Variants in RGS22 observed in about 807,000 individuals in gnomAD.
RGS22 encodes regulator of G-protein signaling 22.
RGS22 carries 148 observed loss-of-function variants against 172.9 expected under a neutral mutation model. The ratio of observed to expected loss-of-function variants is 0.86; its 90% CI spans 0.75 to 0.98. The LOEUF is 0.98. Ranked by LOEUF, RGS22 falls within the 50% of genes least tolerant of loss-of-function variation. The probability of loss-of-function intolerance (pLI) is 0.00; values close to 1 mark genes in which losing one functional copy is unlikely to be tolerated. For missense variants in RGS22, 1,347 were observed against 1,440.8 expected (o/e 0.93, Z 1.05); for synonymous variants, 458 against 480.2 (o/e 0.95, Z 0.60).
chr8:100,051,929 A>ACATATT (rs1821593689), intron 10 of RGS22, among the ~76,000 whole-genome samples: 1 of 38,776 alleles, frequency 2.6e-5, no homozygotes, highest in African/African-American at 1.4e-4. Context: ...ATAAATGTTT[A>ACATATT]TATATATTTA....
rs2131901565 is a variant in RGS22 at position 100,080,532 on chromosome 8, C to T, written c.118-177G>A. On this transcript the variant is annotated intron_variant, in intron 3 of 27. Coordinates refer to ENST00000360863, the MANE Select transcript of RGS22 (RefSeq NM_015668.5). ...CCTTGGGTAGAGGTCAGGGAACCCA[C>T]TAAACTCTTCCTTGCCAATGCACTT... is the stretch of plus-strand genomic sequence containing the variant. 5.2e-6 allele frequency: 3 copies of T among 581,522 alleles called. 1 individual carries two copies. The highest frequency in any genetic ancestry group is 6.2e-5 in the Admixed American group (2 of 32,140). The allele number at this position is 581,522 out of a possible 1,614,324, so 36.0% of individuals were successfully genotyped here.
chr8:100,094,338 T>C (rs532384648), intron 2 of RGS22, among the ~76,000 whole-genome samples: 1 of 108,990 alleles, frequency 9.2e-6, no homozygotes, highest in South Asian at 2.7e-4. Flanking sequence ...GTTCACAATA[T>C]GACACAATGC....
intron 21 of RGS22, among the ~76,000 whole-genome samples, chr8:99,986,435 T>C (rs1459596136): frequency 3.3e-5 from 5 of 152,232 alleles, no homozygotes; most frequent in Non-Finnish European, 7.3e-5. Context: ...ATTATGCTCC[T>C]AAATTGTTAA....
chr8:99,989,709 G>A (rs952251222), intron 20 of RGS22, among the ~76,000 whole-genome samples: 2 of 152,114 alleles, frequency 1.3e-5, no homozygotes, highest in African/African-American at 4.8e-5. Flanking sequence ...GCCAGGTGTG[G>A]TGGTGCGTGC....
chr8:100,105,348 A>C (rs772305164), intron 2 of RGS22, 26 bp downstream of exon 2: 2 of 1,590,196 alleles, frequency 1.3e-6, no homozygotes, highest in Non-Finnish European at 1.7e-6. Context: ...CCAAAGAAAA[A>C]AATAGCCCCT....
At chr8:100,088,086 T>C (rs976170383) in intron 3 of RGS22, among the ~76,000 whole-genome samples, 1 of 152,084 alleles carries the variant, frequency 6.6e-6, no homozygotes, top group Admixed American at 6.6e-5. Flanking sequence ...CCCCAAAATA[T>C]ACTCTCTCTT....
rs149580018 is a variant in RGS22 at position 100,102,322 on chromosome 8, C to T, written c.54+3052G>A. ...TGACCATGTTTGGCTGCAAGGGAAA[C>T]TAGAAAATGTAGTCTTAATTTGGGA... On this transcript the variant is annotated intron_variant, in intron 2 of 27. Coordinates refer to ENST00000360863, the MANE Select transcript of RGS22 (RefSeq NM_015668.5). Among the ~76,000 whole-genome samples, 312 of 152,236 alleles carry T rather than the reference C, an allele frequency of 2.0e-3. 3 individuals carry two copies. Among genetic ancestry groups the T allele is most frequent in the African/African-American group, 6.1e-3 (255 of 41,542 alleles).
At position 100,098,840 on chromosome 8, in the gene RGS22, T is replaced by TTA. The variant is rs1563732415; in HGVS notation, c.55-5332_55-5331insTA. On this transcript the variant is annotated intron_variant, in intron 2 of 27. Coordinates refer to ENST00000360863, the MANE Select transcript of RGS22 (RefSeq NM_015668.5). ...CCCCTGCCCCTGACCCCCTTTTATTTTTTTATTTATTTTATTATTTTATTT... is the reference window on the plus strand; with the variant it reads ...CCCCTGCCCCTGACCCCCTTTTATTTTATTTTATTTATTTTATTATTTTATTT... Among the ~76,000 whole-genome samples, 162 of 42,710 alleles carry TTA rather than the reference T, an allele frequency of 3.8e-3. 2 individuals are homozygous for TTA. The highest frequency in any genetic ancestry group is 0.03 in the African/African-American group (152 of 5,126). The allele number at this position is 42,710 out of a possible 152,430, so 28.0% of individuals were successfully genotyped here.
intron 14 of RGS22, among the ~76,000 whole-genome samples, chr8:100,033,360 C>G (rs1819060844): frequency 6.6e-6 from 1 of 151,816 alleles, no homozygotes; most frequent in East Asian, 1.9e-4. Context: ...CACAGAAATA[C>G]AAACTACCAT....
At chr8:100,070,952 A>G (rs1204293786) in intron 6 of RGS22, among the ~76,000 whole-genome samples, 2 of 151,966 alleles carry the variant, frequency 1.3e-5, no homozygotes, top group African/African-American at 4.8e-5. Context: ...ATGTATTTGA[A>G]ATCATTTTTT....
intron 23 of RGS22, among the ~76,000 whole-genome samples, chr8:99,966,297 G>A (rs1479206650): frequency 6.6e-6 from 1 of 152,108 alleles, no homozygotes; most frequent in Non-Finnish European, 1.5e-5. Flanking sequence ...GGAGGCAAGT[G>A]AACGATGAAA....
At chr8:100,023,883 T>G (rs2131477170) in intron 14 of RGS22, 1 of 152,558 alleles carries the variant, frequency 6.6e-6, no homozygotes, top group East Asian at 1.9e-4. Flanking sequence ...AACCATATTT[T>G]TAGGTTCCTT....
chr8:99,996,415 G>T, intron 20 of RGS22, 47 bp downstream of exon 20: 1 of 1,502,528 alleles, frequency 6.7e-7, no homozygotes, highest in South Asian at 1.1e-5. Flanking sequence ...ACAATACTTT[G>T]ACAGAGCAAA....
intron 14 of RGS22, among the ~76,000 whole-genome samples, chr8:100,018,212 C>CAAA (rs68011450): frequency 7.4e-6 from 1 of 134,902 alleles, no homozygotes. Context: ...GCATCTGTAT[C>CAAA]AAAAAAAAAA....
intron 14 of RGS22, among the ~76,000 whole-genome samples, chr8:100,032,022 A>C (rs970713131): frequency 6.6e-6 from 1 of 152,324 alleles, no homozygotes; most frequent in Non-Finnish European, 1.5e-5. Flanking sequence ...AGGAAGCACT[A>C]AACATGGAAA....
intron 14 of RGS22, among the ~76,000 whole-genome samples, chr8:100,036,701 C>T (rs200546347): frequency 6.6e-6 from 1 of 152,078 alleles, no homozygotes; most frequent in Non-Finnish European, 1.5e-5. Context: ...TGGGCTCAAG[C>T]GATCCTCCCA....
chr8:100,019,666 G>A (rs1222014263), intron 14 of RGS22, among the ~76,000 whole-genome samples: 4 of 152,104 alleles, frequency 2.6e-5, no homozygotes, highest in Admixed American at 6.5e-5. Context: ...CCAGAGATTA[G>A]GAGAAAACAT....
At chr8:100,069,808 G>A (rs915418895) in intron 6 of RGS22, among the ~76,000 whole-genome samples, 1 of 152,078 alleles carries the variant, frequency 6.6e-6, no homozygotes, top group East Asian at 1.9e-4. Flanking sequence ...AAAGGGAGCA[G>A]AGCACCTGAC....
intron 9 of RGS22, among the ~76,000 whole-genome samples, chr8:100,055,359 T>C (rs772517779): frequency 6.6e-6 from 1 of 152,202 alleles, no homozygotes. Flanking sequence ...GTCCAGAGGA[T>C]TCTCCCAGAT....
Sources: gnomAD v4.1 joint callset for allele counts (sites outside exome capture counted in the v4.1 genomes callset) on GRCh38, gnomAD v4.1.1 for gene constraint, MANE v1.5 for transcripts, NCBI Gene and HGNC (gene_info 2026-07-23, HGNC 2026-07-21) for gene names.